Variants in ASL observed in about 807,000 individuals in gnomAD.
ASL encodes argininosuccinase.
In ASL, 51 loss-of-function variants were observed where a neutral mutation model predicts 69.1. The ratio of observed to expected loss-of-function variants is 0.74; its 90% CI spans 0.59 to 0.93. The LOEUF (loss-of-function observed/expected upper bound fraction) is 0.93. Ranked by LOEUF, ASL falls within the 40% of genes least tolerant of loss-of-function variation. The probability of loss-of-function intolerance (pLI) is 0.00; values close to 1 mark genes in which losing one functional copy is unlikely to be tolerated. For missense variants in ASL, 540 were observed against 623.9 expected, an observed-to-expected ratio of 0.87 and a Z score of 1.43; for synonymous variants, 241 against 247.6, an observed-to-expected ratio of 0.97 and a Z score of 0.25.
In ASL at chr7:66,092,582, C is replaced by A; in HGVS notation, c.1169C>A (p.Ala390Asp). Residue 390 changes from alanine to aspartate, a missense_variant, in exon 16 of 17, where the codon GCC becomes GAC. Transcript: ENST00000304874. ...KGMPFRQAHEASGKAVFMAET... is the reference protein window; with the variant it reads ...KGMPFRQAHEDSGKAVFMAET... ...ATGCCATTCCGCCAGGCCCACGAGG[C>A]CTCCGGGAAAGCTGTGTTCATGGCC... The A allele has an allele frequency of 6.2e-7, 1 of 1,611,534 alleles. No homozygotes were observed. Among genetic ancestry groups the A allele is most frequent in the Non-Finnish European group, 8.5e-7 (1 of 1,179,998 alleles).
rs1786901636 is a variant in ASL at position 66,093,046 on chromosome 7, G to A, written c.*134G>A. The A allele has an allele frequency of 7.0e-7, 1 of 1,431,534 alleles. No individual in the cohort carries two copies. The allele number at this position is 1,431,534 out of a possible 1,614,324, so 88.7% of individuals were successfully genotyped here. A position where few individuals can be genotyped will look rare whatever the true frequency, so the allele number is the denominator to read the frequency against. On this transcript the variant is annotated 3_prime_UTR_variant, in exon 17 of 17. Transcript: ENST00000304874. ...GGACAGTCAGGGACTGGAGAGGCAG[G>A]GCAGGGTGGCCTGTAATCCCAGCAC...
Position 66,082,924 on chromosome 7 carries a change from C to A in ASL, c.336C>A (p.Ser112Arg). Residue 112 changes from serine to arginine, a missense_variant, in exon 5 of 17, where the codon AGC becomes AGA. Physicochemically the swap from Ser to Arg is moderately radical, Grantham distance 110 (BLOSUM62 -1). Coordinates refer to ENST00000304874, the MANE Select transcript of ASL (RefSeq NM_000048.4). ...CAGGGAAGCTGCACACGGGACGGAG[C>A]CGGAATGACCAGGTGCTTTAGCCCC... ...ATAGKLHTGR[S>R]RNDQVVTDLR... 2 of 1,613,630 alleles carry A rather than the reference C, an allele frequency of 1.2e-6. No individual in the cohort carries two copies. The highest frequency in any genetic ancestry group is 1.3e-5 in the African/African-American group (1 of 75,022).
At chr7:66,085,824 G>C (rs1383100858) in intron 6 of ASL, among the ~76,000 whole-genome samples, 1 of 151,988 alleles carries the variant, frequency 6.6e-6, no homozygotes, top group Admixed American at 6.6e-5. Flanking sequence ...TAGCCAGGAT[G>C]GTCTCGATCT....
rs375625546 is a variant in ASL at position 66,089,234 on chromosome 7, C to T, written c.919-42C>T. On this transcript the variant is annotated intron_variant, in intron 12 of 16. Transcript: ENST00000304874. ...GGCTGATGGTGGGTGGCCAGGGGGG[C>T]AGGATCCCGGGTCCAGCCCCTGTGC... 8.7e-6 allele frequency: 14 copies of T among 1,611,138 alleles called. 1 individual carries two copies. The Middle Eastern group carries it at 1.3e-3, about 153-fold the overall frequency.
intron 1 of ASL, 50 bp from the exon 2 acceptor site, chr7:66,075,989 C>G (rs1439320478): frequency 6.5e-7 from 1 of 1,529,126 alleles, no homozygotes; most frequent in Non-Finnish European, 8.9e-7. Context: ...CAGCCCGGCC[C>G]GGGGGACCCT....
rs751590073 is a variant in ASL, at chr7:66,086,764, G to A, written c.545G>A (p.Arg182Gln). ...WILSHAVALT[R>Q]DSERLLEVRK... ...CACAGCCACGCCGTGGCACTGACCCGAGACTCTGAGCGGCTGCTGGAGGTG... is the reference window on the plus strand; with the variant it reads ...CACAGCCACGCCGTGGCACTGACCCAAGACTCTGAGCGGCTGCTGGAGGTG... Residue 182 changes from arginine to glutamine, a missense_variant, in exon 8 of 17, where the codon CGA becomes CAA. Physicochemically the swap from Arg to Gln is conservative, Grantham distance 43. Coordinates refer to ENST00000304874, the MANE Select transcript of ASL (RefSeq NM_000048.4). The A allele has an allele frequency of 3.4e-5, 54 of 1,603,044 alleles. No homozygotes were observed. The highest frequency in any genetic ancestry group is 4.3e-5 in the Non-Finnish European group (51 of 1,175,408).
chr7:66,075,926 T>C, intron 1 of ASL, 70 bp downstream of exon 1: 1 of 960,974 alleles, frequency 1.0e-6, no homozygotes, highest in South Asian at 1.6e-5. Context: ...CGCGCTCACG[T>C]CCGCGTCCCC....
chr7:66,080,106 G>C (rs1369637632), intron 2 of ASL, among the ~76,000 whole-genome samples: 1 of 151,828 alleles, frequency 6.6e-6, no homozygotes, highest in Non-Finnish European at 1.5e-5. Flanking sequence ...TTAAAGGCCG[G>C]GTGTGGTGGC....
rs1024597819 is a variant in ASL at position 66,093,172 on chromosome 7, C to A, written c.*260C>A. 6 of 569,584 alleles carry A rather than the reference C, an allele frequency of 1.1e-5. No individual in the cohort carries two copies. The highest frequency in any genetic ancestry group is 1.9e-5 in the Non-Finnish European group (6 of 320,616). The allele number at this position is 569,584 out of a possible 1,614,324, so 35.3% of individuals were successfully genotyped here. ...CTCTACTCAATAATAAAACAAATAG[C>A]CTGGCGTGGTGGCCCATGCATATAG... is the stretch of plus-strand genomic sequence containing the variant. On this transcript the variant is annotated 3_prime_UTR_variant, in exon 17 of 17. Coordinates refer to ENST00000304874, the MANE Select transcript of ASL (RefSeq NM_000048.4).
intron 2 of ASL, among the ~76,000 whole-genome samples, 178 bp from the exon 3 acceptor site, chr7:66,081,625 C>A (rs901500066): frequency 1.3e-5 from 2 of 151,914 alleles, no homozygotes; most frequent in African/African-American, 4.8e-5. Flanking sequence ...CAGCCATGTT[C>A]CCATGCTCAC....
chr7:66,087,921 C>T, intron 10 of ASL, 130 bp downstream of exon 10: 1 of 1,220,380 alleles, frequency 8.2e-7, no homozygotes, highest in South Asian at 1.3e-5. Context: ...AAGTATAAAC[C>T]TTAAATGGGT....
intron 3 of ASL, 142 bp from the exon 4 acceptor site, chr7:66,082,226 C>A (rs944820642): frequency 2.8e-6 from 3 of 1,061,628 alleles, no homozygotes; most frequent in South Asian, 2.7e-5. Context: ...GCCTGAGATG[C>A]CCCCTCCCAG....
chr7:66,091,097 CAAAAAAAAAAAA>C (rs71051336), intron 14 of ASL, among the ~76,000 whole-genome samples: 5 of 73,404 alleles, frequency 6.8e-5, no homozygotes, highest in African/African-American at 2.7e-4. Context: ...GACTCCATCT[CAAAAAAAAAAAA>C]AAAAAAAAAA....
At position 66,087,344 on chromosome 7, in the gene ASL, G is replaced by T; in HGVS notation, c.613G>T (p.Ala205Ser). 6.2e-7 allele frequency: 1 copy of T among 1,605,314 alleles called. No individual in the cohort carries two copies. ...NVLPLGSGAI[A>S]GNPLGVDREL... The stretch of plus-strand genomic sequence containing the variant: ...TCCCTGTCCCTGCAGTGGGGCCATT[G>T]CAGGCAATCCCCTGGGTGTGGACCG... The change falls in exon 9 of 17, where the codon GCA becomes TCA. Residue 205 changes from alanine (A) to serine (S), a missense_variant. Physicochemically the swap from Ala to Ser is moderately conservative, Grantham distance 99. Transcript: ENST00000304874.
rs375616207 is a variant in ASL, at chr7:66,092,945, C to T, written c.*33C>T. ...CACACCTGCCCCCTAATAAAGTGGG[C>T]GCGAGAGGAGGCTGCTGTGTGTTTC... On this transcript the variant is annotated 3_prime_UTR_variant, in exon 17 of 17. Coordinates refer to ENST00000304874, the MANE Select transcript of ASL (RefSeq NM_000048.4). 45 of 1,583,950 alleles carry T rather than the reference C, an allele frequency of 2.8e-5. No individual in the cohort carries two copies. The highest frequency in any genetic ancestry group is 1.8e-4 in the East Asian group (8 of 43,776).
At position 66,092,878 on chromosome 7, in the gene ASL, A is replaced by G. The variant is rs770844836; in HGVS notation, c.1361A>G (p.Gln454Arg). The change falls in exon 17 of 17, where the codon CAG becomes CGG. Residue 454 changes from glutamine (Q) to arginine (R), a missense_variant. Physicochemically the swap from Gln to Arg is conservative, Grantham distance 43 (BLOSUM62 1). Transcript: ENST00000304874. ...ARSSVDWQIR[Q>R]VRALLQAQQA ...TCCAGCGTCGACTGGCAGATCCGCC[A>G]GGTGCGGGCGCTACTGCAGGCACAG... 1 of 1,611,376 alleles carries G rather than the reference A, an allele frequency of 6.2e-7. No individual in the cohort carries two copies. Among genetic ancestry groups the G allele is most frequent in the Non-Finnish European group, 8.5e-7 (1 of 1,179,918 alleles).
chr7:66,082,300 A>G (rs1786527766), intron 3 of ASL, 68 bp from the exon 4 acceptor site: 4 of 1,483,398 alleles, frequency 2.7e-6, no homozygotes, highest in Non-Finnish European at 3.7e-6. Context: ...GGGTGGGACC[A>G]AGGCAGGGGC....
intron 11 of ASL, 81 bp from the exon 12 acceptor site, chr7:66,089,010 A>C (rs890405845): frequency 1.3e-5 from 21 of 1,607,238 alleles, no homozygotes; most frequent in Non-Finnish European, 1.7e-5. Flanking sequence ...TCCCCGTCCC[A>C]CCCCTCCGCC....
chr7:66,080,252 G>T (rs930382361), intron 2 of ASL, among the ~76,000 whole-genome samples: 1 of 151,516 alleles, frequency 6.6e-6, no homozygotes, highest in African/African-American at 2.4e-5. Context: ...CAGGCATGGT[G>T]GTGGGCACCT....
Sources: allele counts gnomAD v4.1 joint callset (sites outside exome capture counted in the v4.1 genomes callset), GRCh38; gene constraint gnomAD v4.1.1; transcripts MANE v1.5; gene names NCBI Gene and HGNC (gene_info 2026-07-23, HGNC 2026-07-21).